Variants in PPP6R2 observed in about 807,000 individuals in gnomAD.
PPP6R2 encodes the protein serine/threonine-protein phosphatase 6 regulatory subunit 2.
PPP6R2 carries 62 observed loss-of-function variants against 100.2 expected under a neutral mutation model. The ratio of observed to expected loss-of-function variants is 0.62; its 90% CI spans 0.50 to 0.76. The LOEUF (loss-of-function observed/expected upper bound fraction) is 0.76, where lower values mean the gene tolerates loss of function less well. Ranked by LOEUF, PPP6R2 falls within the 30% of genes least tolerant of loss-of-function variation. The pLI, the probability that PPP6R2 is intolerant of heterozygous loss-of-function variation, is 0.00. For missense variants in PPP6R2, 1,142 were observed against 1,276.3 expected (o/e 0.89, Z 1.60); for synonymous variants, 525 against 514.7 (o/e 1.02, Z -0.27).
intron 4 of PPP6R2, among the ~76,000 whole-genome samples, chr22:50,411,330 TG>T (rs2059711748): frequency 6.6e-6 from 1 of 152,020 alleles, no homozygotes; most frequent in Non-Finnish European, 1.5e-5. Flanking sequence ...GGCACACGCC[TG>T]TAATCCCAGC....
rs73441449 is a variant in PPP6R2 at position 50,431,793 on chromosome 22, A to G, written c.1335+411A>G. Among the ~76,000 whole-genome samples, 7,421 of 152,224 alleles carry G rather than the reference A, an allele frequency of 0.049. 603 individuals are homozygous for G. Among genetic ancestry groups the G allele is most frequent in the African/African-American group, 0.17 (7,079 of 41,506 alleles). On this transcript the variant is annotated intron_variant, in intron 11 of 23. Transcript: ENST00000612753. The surrounding 1 kb of genome is among the most constrained non-coding windows in gnomAD (Gnocchi z 4.8). ...TCACCCGGATAGCAAGGCCACAGGT[A>G]TATCGTAGTGTGAGGTGGAGCCCAG... is the stretch of plus-strand genomic sequence containing the variant.
intron 1 of PPP6R2, among the ~76,000 whole-genome samples, chr22:50,355,891 AGT>A (rs2046438599): frequency 6.6e-6 from 1 of 151,644 alleles, no homozygotes; most frequent in Admixed American, 6.6e-5. Context: ...TCTTTTAAAA[AGT>A]GTACACATAA....
chr22:50,360,350 CTTTT>C (rs146808027), intron 1 of PPP6R2, among the ~76,000 whole-genome samples: 1 of 135,360 alleles, frequency 7.4e-6, no homozygotes, highest in Non-Finnish European at 1.6e-5. Context: ...CATGCTCAGC[CTTTT>C]TTTTTTTTTT....
At chr22:50,387,890 C>T (rs1314409644) in intron 2 of PPP6R2, among the ~76,000 whole-genome samples, 1 of 152,168 alleles carries the variant, frequency 6.6e-6, no homozygotes. Flanking sequence ...CTTAGTAATC[C>T]TCCCCACAGG....
chr22:50,405,518 G>A (rs2058734426), intron 3 of PPP6R2, among the ~76,000 whole-genome samples: 1 of 140,798 alleles, frequency 7.1e-6, no homozygotes, highest in Non-Finnish European at 1.5e-5. Context: ...CCTGGAGAGA[G>A]GTGAGAGGCC....
chr22:50,423,718 C>A lies in PPP6R2; in HGVS notation c.1125+104C>A. 2 of 1,424,046 alleles carry A rather than the reference C, an allele frequency of 1.4e-6. No individual in the cohort carries two copies. Among genetic ancestry groups the A allele is most frequent in the Non-Finnish European group, 1.9e-6 (2 of 1,042,566 alleles). 88.2% of individuals were successfully genotyped at this position (1,424,046 alleles called of 1,614,324 possible). A position where few individuals can be genotyped will look rare whatever the true frequency, so the allele number is the denominator to read the frequency against. ...GCAGGGCCCCAGCATTTGGACAAAG[C>A]TCTGCCACGGGGAGGTTCCAGTCCC... On this transcript the variant is annotated intron_variant, in intron 10 of 23. Transcript: ENST00000612753. The surrounding 1 kb of genome is among the most constrained non-coding windows in gnomAD (Gnocchi z 4.8).
chr22:50,425,870 G>GTT (rs1010928546), intron 10 of PPP6R2, among the ~76,000 whole-genome samples: 1 of 131,614 alleles, frequency 7.6e-6, no homozygotes, highest in Non-Finnish European at 1.7e-5. Flanking sequence ...TTTGAATTGA[G>GTT]TTTTTTTTTT....
chr22:50,338,567 GTGTT>G (rs1158687245), upstream of PPP6R2, among the ~76,000 whole-genome samples: 5 of 111,600 alleles, frequency 4.5e-5, no homozygotes, highest in African/African-American at 1.9e-4. Context: ...TGTAGTGTGT[GTGTT>G]TGGTGTGGTG....
At chr22:50,392,718 C>T (rs541099554) in intron 2 of PPP6R2, among the ~76,000 whole-genome samples, 72 of 152,174 alleles carry the variant, frequency 4.7e-4, no homozygotes, top group African/African-American at 1.7e-3. Context: ...TATCTGGGGC[C>T]AGGAGAGGTT....
chr22:50,415,995 C>T (rs565188231), intron 5 of PPP6R2, 97 bp from the exon 6 acceptor site: 81 of 1,104,768 alleles, frequency 7.3e-5, no homozygotes, highest in Admixed American at 1.4e-4. Context: ...AGTCTATATT[C>T]TAGAAAACGG....
At chr22:50,438,424 G>C in intron 18 of PPP6R2, 126 bp downstream of exon 18, 1 of 1,487,518 alleles carries the variant, frequency 6.7e-7, no homozygotes, top group Non-Finnish European at 9.1e-7. Flanking sequence ...CCAGCTCTGG[G>C]GCCCAATGCA....
intron 15 of PPP6R2, 124 bp downstream of exon 15, chr22:50,437,192 G>A (rs1603412519): frequency 9.1e-6 from 9 of 984,570 alleles, no homozygotes; most frequent in Middle Eastern, 3.1e-4. Flanking sequence ...GCTCGTCTCC[G>A]AGCACGTATG....
intron 1 of PPP6R2, among the ~76,000 whole-genome samples, chr22:50,364,499 A>G (rs2048364161): frequency 6.6e-6 from 1 of 152,166 alleles, no homozygotes. Context: ...CATGGATATT[A>G]TGTCCTTCTC....
At chr22:50,406,922 G>T (rs374838213) in intron 4 of PPP6R2, 47 bp downstream of exon 4, 1 of 1,554,728 alleles carries the variant, frequency 6.4e-7, no homozygotes, top group Non-Finnish European at 8.9e-7. Context: ...CGTCATGGTG[G>T]ATGCTGACGT....
At chr22:50,390,244 A>T (rs1602995785) in intron 2 of PPP6R2, among the ~76,000 whole-genome samples, 1 of 151,886 alleles carries the variant, frequency 6.6e-6, no homozygotes, top group African/African-American at 2.4e-5. Flanking sequence ...CACCCGCTTC[A>T]TCCTCCCAAA....
intron 1 of PPP6R2, among the ~76,000 whole-genome samples, chr22:50,346,534 T>C (rs557860411): frequency 4.2e-5 from 3 of 71,384 alleles, no homozygotes; most frequent in African/African-American, 1.8e-4. Context: ...GCCCTCCTTC[T>C]GTTCCCCCAC....
chr22:50,439,329 C>T (rs1486716265), intron 19 of PPP6R2, among the ~76,000 whole-genome samples: 1 of 152,160 alleles, frequency 6.6e-6, no homozygotes, highest in Admixed American at 6.5e-5. Context: ...GACACCCCAT[C>T]CTCGAGGCCA....
Position 50,440,951 on chromosome 22 carries a change from A to C in PPP6R2, c.2504A>C (p.Asp835Ala). 3.1e-6 allele frequency: 5 copies of C among 1,613,328 alleles called. No homozygotes were observed. Among genetic ancestry groups the C allele is most frequent in the Non-Finnish European group, 4.2e-6 (5 of 1,179,834 alleles). Reference protein sequence around the residue: ...DGDQKAASAMDAVSRGPGREA... With the variant: ...DGDQKAASAMAAVSRGPGREA... ...GACCAGAAGGCAGCGAGTGCCATGGATGCGGTGAGCAGGGGTCCCGGCCGG... is the reference window on the plus strand; with the variant it reads ...GACCAGAAGGCAGCGAGTGCCATGGCTGCGGTGAGCAGGGGTCCCGGCCGG... Residue 835 changes from aspartate (D) to alanine (A), a missense_variant, in exon 22 of 24, where the codon GAT (aspartate) becomes GCT (alanine). By Grantham distance (126) the Asp-to-Ala change is moderately radical (BLOSUM62 -2). Coordinates refer to ENST00000612753, the MANE Select transcript of PPP6R2 (RefSeq NM_001242898.2).
chr22:50,390,543 C>T (rs1179503845), intron 2 of PPP6R2, among the ~76,000 whole-genome samples: 1 of 152,060 alleles, frequency 6.6e-6, no homozygotes, highest in Non-Finnish European at 1.5e-5. Flanking sequence ...CCTGTATTCC[C>T]AGCATTTTGG....
Sources: gnomAD v4.1 joint callset for allele counts (sites outside exome capture counted in the v4.1 genomes callset) on GRCh38, gnomAD v4.1.1 for gene constraint, Gnocchi (gnomAD v3.1) non-coding constraint, MANE v1.5 for transcripts, NCBI Gene and HGNC (gene_info 2026-07-23, HGNC 2026-07-21) for gene names.